Variants in DUSP16 observed in about 807,000 individuals in gnomAD.
DUSP16 encodes dual specificity protein phosphatase 16.
Under a neutral mutation model 58.3 loss-of-function variants are expected in DUSP16, and 21 were observed. The observed-to-expected ratio is 0.36, with a 90% CI of 0.26 to 0.52. DUSP16 has a LOEUF of 0.52. DUSP16 is among the 20% of genes least tolerant of loss of function. The pLI is 0.94. For missense variants in DUSP16, 726 were observed against 819.0 expected, an observed-to-expected ratio of 0.89 and a Z score of 1.39; for synonymous variants, 320 against 323.8, an observed-to-expected ratio of 0.99 and a Z score of 0.12.
chr12:12,490,004 C>T (rs185999014), intron 4 of DUSP16, among the ~76,000 whole-genome samples: 6 of 152,300 alleles, frequency 3.9e-5, no homozygotes, highest in Non-Finnish European at 7.4e-5. Context: ...TTATTGACCT[C>T]CTGGGGTCAA....
chr12:12,491,128 GTAACTGT>G (rs1319493465), intron 4 of DUSP16: 1 of 151,676 alleles, frequency 6.6e-6, no homozygotes, highest in Non-Finnish European at 1.5e-5. Context: ...AAAGTTTCAT[GTAACTGT>G]TGTTAGTTTG....
intron 1 of DUSP16, 81 bp downstream of exon 1, chr12:12,562,036 C>T (rs1297755664): frequency 6.7e-6 from 1 of 150,036 alleles, no homozygotes; most frequent in African/African-American, 2.4e-5. Flanking sequence ...TGCGGAGCGT[C>T]CATGCGGCCG....
intron 1 of DUSP16, among the ~76,000 whole-genome samples, chr12:12,546,082 T>A (rs1944637645): frequency 6.6e-6 from 1 of 152,206 alleles, no homozygotes; most frequent in South Asian, 2.1e-4. Flanking sequence ...TAAGTTATAT[T>A]TCCCATGCAA....
intron 4 of DUSP16, among the ~76,000 whole-genome samples, chr12:12,497,334 T>C (rs1943843459): frequency 1.3e-5 from 2 of 152,204 alleles, no homozygotes; most frequent in Admixed American, 1.3e-4. Context: ...TTCTCCATTG[T>C]GACTCAATAG....
chr12:12,529,569 A>C (rs1230008644), intron 1 of DUSP16, among the ~76,000 whole-genome samples: 1 of 152,174 alleles, frequency 6.6e-6, no homozygotes. Context: ...CCACTCCTTG[A>C]ATTTTTCAGG....
At chr12:12,540,082 G>A (rs1268443037) in intron 1 of DUSP16, among the ~76,000 whole-genome samples, 2 of 150,898 alleles carry the variant, frequency 1.3e-5, no homozygotes, top group Middle Eastern at 3.2e-3. Context: ...AATGAGACCA[G>A]GAGTTTGAGA....
At chr12:12,555,892 T>C (rs1477899576) in intron 1 of DUSP16, among the ~76,000 whole-genome samples, 1 of 151,958 alleles carries the variant, frequency 6.6e-6, no homozygotes, top group African/African-American at 2.4e-5. Flanking sequence ...AAATAAAAAA[T>C]TAGCTAGGTA....
rs1592159597 is a variant in DUSP16 at position 12,477,788 on chromosome 12, T to TC, written c.1042dup (p.Glu348GlyfsTer48). On this transcript the variant is annotated frameshift_variant, in exon 7 of 7. Coordinates refer to ENST00000298573, the MANE Select transcript of DUSP16 (RefSeq NM_030640.3). LOFTEE classifies it high-confidence loss of function. This position sits in a 1 kb window ranked among gnomAD's most constrained non-coding sequence, Gnocchi z 4.1. ...ATGCACGGGCCTTTGTCCTGCTGCC[T>TC]CTGAGGTAGCAGAGTCGGCACAGGG... The TC allele has an allele frequency of 6.2e-7, 1 of 1,614,012 alleles. No homozygotes were observed. The highest frequency in any genetic ancestry group is 8.5e-7 in the Non-Finnish European group (1 of 1,179,992).
intron 1 of DUSP16, among the ~76,000 whole-genome samples, chr12:12,527,621 CTTTT>C (rs1944324565): frequency 1.3e-5 from 2 of 152,100 alleles, no homozygotes; most frequent in Admixed American, 1.3e-4. Context: ...ATAATATGTA[CTTTT>C]ATTTATAAAA....
chr12:12,554,763 C>T (rs1268033241), intron 1 of DUSP16: 2 of 151,774 alleles, frequency 1.3e-5, no homozygotes, highest in Non-Finnish European at 2.9e-5. Flanking sequence ...TATTAAATAT[C>T]ACCTAATATA....
chr12:12,477,810 A>T lies in DUSP16; in HGVS notation c.1021T>A (p.Cys341Ser), dbSNP rs1943484901. The T allele has an allele frequency of 1.2e-6, 2 of 1,613,946 alleles. No homozygotes were observed. The highest frequency in any genetic ancestry group is 1.7e-6 in the Non-Finnish European group (2 of 1,180,052). The change falls in exon 7 of 7, where the codon TGT becomes AGT. Residue 341 changes from cysteine (C) to serine (S), a missense_variant. Transcript: ENST00000298573. The surrounding 1 kb of genome is among the most constrained non-coding windows in gnomAD (Gnocchi z 4.1). ...GCCTCTGAGGTAGCAGAGTCGGCAC[A>T]GGGTGGACTGAGGGGCGTCTCGCTT... ...QKSETPLSPP[C>S]ADSATSEAAG...
intron 1 of DUSP16, among the ~76,000 whole-genome samples, chr12:12,552,596 CCAAAA>C (rs1454752572): frequency 1.9e-4 from 29 of 152,230 alleles, no homozygotes; most frequent in African/African-American, 7.0e-4. Flanking sequence ...CGTATTTCAA[CCAAAA>C]CAACATATCA....
At position 12,546,365 on chromosome 12, in the gene DUSP16, A is replaced by T. The variant is rs561697235; in HGVS notation, c.-366+15752T>A. ...AGGGCCTAGATAATATTTTGCAATG[A>T]AACTGTCAGTGCTACCAAATATATT... is the stretch of plus-strand genomic sequence containing the variant. On this transcript the variant is annotated intron_variant, in intron 1 of 6. Coordinates refer to ENST00000298573, the MANE Select transcript of DUSP16 (RefSeq NM_030640.3). 1.3e-4 allele frequency among the ~76,000 whole-genome samples: 20 copies of T among 152,344 alleles called. No individual in the cohort carries two copies. The South Asian group carries it at 3.9e-3, about 30-fold the overall frequency.
Position 12,477,340 on chromosome 12 carries a change from C to T in DUSP16, c.1491G>A (p.Arg497=), listed in dbSNP as rs747499515. 6 of 1,614,100 alleles carry T rather than the reference C, an allele frequency of 3.7e-6. No individual in the cohort carries two copies. The highest frequency in any genetic ancestry group is 1.3e-5 in the African/African-American group (1 of 74,928). Residue 497 remains arginine (R), a synonymous_variant, in exon 7 of 7, where the codon AGG becomes AGA. Coordinates refer to ENST00000298573, the MANE Select transcript of DUSP16 (RefSeq NM_030640.3). The surrounding 1 kb of genome is among the most constrained non-coding windows in gnomAD (Gnocchi z 4.1). ...VRTSSSGTAQ[R]SLLSPLHRSG... is the part of the protein sequence containing the mutation. ...TTCGATGCAGTGGAGATAAAAGGGA[C>T]CTCTGGGCGGTGCCACTGCTGCTGG...
At chr12:12,539,751 T>TAAAA (rs71061077) in intron 1 of DUSP16, among the ~76,000 whole-genome samples, 3 of 139,526 alleles carry the variant, frequency 2.2e-5, no homozygotes, top group African/African-American at 8.1e-5. Flanking sequence ...AGCAGTTATT[T>TAAAA]AAAAAAAAAA....
intron 4 of DUSP16, among the ~76,000 whole-genome samples, chr12:12,494,486 G>A (rs1224875217): frequency 1.3e-5 from 2 of 152,166 alleles, no homozygotes; most frequent in Non-Finnish European, 1.5e-5. Flanking sequence ...ATGATACAAA[G>A]AGGTATCCGA....
intron 1 of DUSP16, among the ~76,000 whole-genome samples, chr12:12,551,025 A>C (rs1265688667): frequency 2.0e-5 from 3 of 152,112 alleles, no homozygotes; most frequent in East Asian, 1.9e-4. Flanking sequence ...CACATAAAGC[A>C]TTTCTGCTGC....
Position 12,559,276 on chromosome 12 carries a change from G to A in DUSP16, c.-366+2841C>T, listed in dbSNP as rs1010945344. 7.8e-4 allele frequency among the ~76,000 whole-genome samples: 119 copies of A among 152,128 alleles called. 6 individuals are homozygous for A. The highest frequency in any genetic ancestry group is 7.2e-5 in the African/African-American group (3 of 41,426). ...TTCTTTTATGATGGTGAATATCTCC[G>A]TTTTAAATGATCAGTAAATTTCTTT... is the stretch of plus-strand genomic sequence containing the variant. On this transcript the variant is annotated intron_variant, in intron 1 of 6. Transcript: ENST00000298573.
rs1943414247 is a variant in DUSP16 at position 12,475,560 on chromosome 12, T to G, written c.*1273A>C. On this transcript the variant is annotated 3_prime_UTR_variant, in exon 7 of 7. Coordinates refer to ENST00000298573, the MANE Select transcript of DUSP16 (RefSeq NM_030640.3). Reference sequence around the variant, plus strand: ...GGTCTTCTCAGCTTTCTCAACCGTTTTATTCTGAATATTCCTTCCTCACTA... The same window carrying G: ...GGTCTTCTCAGCTTTCTCAACCGTTGTATTCTGAATATTCCTTCCTCACTA... The G allele has an allele frequency of 6.6e-6, 1 of 152,244 alleles. No homozygotes were observed. Among genetic ancestry groups the G allele is most frequent in the Non-Finnish European group, 1.5e-5 (1 of 68,054 alleles). The allele number at this position is 152,244 out of a possible 1,614,324, so 9.4% of individuals were successfully genotyped here.
Sources: allele counts gnomAD v4.1 joint callset (sites outside exome capture counted in the v4.1 genomes callset), GRCh38; gene constraint gnomAD v4.1.1; non-coding constraint Gnocchi (gnomAD v3.1); transcripts MANE v1.5; gene names NCBI Gene and HGNC (gene_info 2026-07-23, HGNC 2026-07-21).